Variants in ADAM17 observed in about 807,000 individuals in gnomAD.
ADAM17 encodes the protein disintegrin and metalloproteinase domain-containing protein 17.
ADAM17 carries 39 observed loss-of-function variants against 96.7 expected under a neutral mutation model. The ratio of observed to expected loss-of-function variants is 0.40; its 90% CI spans 0.31 to 0.53. ADAM17 has a LOEUF of 0.53. Ranked by LOEUF, ADAM17 falls within the 20% of genes least tolerant of loss-of-function variation. The probability of loss-of-function intolerance (pLI) is 0.44; values close to 1 mark genes in which losing one functional copy is unlikely to be tolerated. For missense variants in ADAM17, 777 were observed against 1,013.2 expected (o/e 0.77, Z 3.17); for synonymous variants, 344 against 359.2 (o/e 0.96, Z 0.48).
intron 1 of ADAM17, among the ~76,000 whole-genome samples, chr2:9,550,711 C>G (rs1665564224): frequency 6.6e-6 from 1 of 151,598 alleles, no homozygotes; most frequent in Non-Finnish European, 1.5e-5. Context: ...TCCCAAAGTG[C>G]TGGGACTATA....
rs1459271662 is a variant in ADAM17, at chr2:9,488,915, A to G, written c.*1262T>C. The stretch of plus-strand genomic sequence containing the variant: ...CACATTTCAGTTCTTAGGGGAAAAA[A>G]AGCTTTTAATGGCAATTTATAGAAA... On this transcript the variant is annotated 3_prime_UTR_variant, in exon 19 of 19. Coordinates refer to ENST00000310823, the MANE Select transcript of ADAM17 (RefSeq NM_003183.6). The G allele has an allele frequency of 6.6e-6, 1 of 152,226 alleles. No homozygotes were observed. The highest frequency in any genetic ancestry group is 1.9e-4 in the East Asian group (1 of 5,200). 9.4% of individuals were successfully genotyped at this position (152,226 alleles called of 1,614,324 possible).
chr2:9,491,037 G>T, intron 18 of ADAM17, 64 bp downstream of exon 18: 4 of 1,454,058 alleles, frequency 2.8e-6, no homozygotes, highest in South Asian at 1.2e-5. Context: ...GTCAGGTGAA[G>T]GTCTTTGCCT....
At chr2:9,504,250 T>G (rs1287743701) in intron 12 of ADAM17, among the ~76,000 whole-genome samples, 3 of 151,078 alleles carry the variant, frequency 2.0e-5, no homozygotes, top group East Asian at 3.9e-4. Flanking sequence ...ATCGAGACCA[T>G]CCTGGCCAAC....
At chr2:9,501,011 G>A (rs530528466) in intron 13 of ADAM17, among the ~76,000 whole-genome samples, 1 of 152,044 alleles carries the variant, frequency 6.6e-6, no homozygotes, top group Non-Finnish European at 1.5e-5. Context: ...ACAAAATGAT[G>A]GATTTGATTA....
intron 5 of ADAM17, 132 bp from the exon 6 acceptor site, chr2:9,526,376 A>G (rs1216134791): frequency 1.1e-6 from 1 of 921,494 alleles, no homozygotes; most frequent in African/African-American, 1.7e-5. Flanking sequence ...ATTCTGAACA[A>G]CAACAAAAAA....
At chr2:9,549,278 G>GGA (rs1558527931) in intron 1 of ADAM17, among the ~76,000 whole-genome samples, 1 of 152,140 alleles carries the variant, frequency 6.6e-6, no homozygotes, top group East Asian at 1.9e-4. Flanking sequence ...GCCTGAGGCA[G>GGA]GAGAATCGCT....
intron 4 of ADAM17, among the ~76,000 whole-genome samples, chr2:9,531,725 G>A (rs933448158): frequency 6.6e-6 from 1 of 151,932 alleles, no homozygotes; most frequent in Admixed American, 6.6e-5. Context: ...AAAGTTGGGG[G>A]AAATATTATC....
chr2:9,543,368 A>C (rs1379077744), intron 1 of ADAM17, 83 bp from the exon 2 acceptor site: 3 of 1,246,204 alleles, frequency 2.4e-6, no homozygotes, highest in Non-Finnish European at 2.1e-6. Flanking sequence ...CCAGACAATA[A>C]ATCTTTCCTG....
intron 17 of ADAM17, among the ~76,000 whole-genome samples, 153 bp downstream of exon 17, chr2:9,492,745 A>C (rs1053547828): frequency 7.9e-5 from 12 of 152,330 alleles, no homozygotes; most frequent in African/African-American, 2.4e-4. Flanking sequence ...TTTCTACAAG[A>C]CATGTTCCCC....
At chr2:9,532,283 G>A (rs1664777432) in intron 4 of ADAM17, among the ~76,000 whole-genome samples, 1 of 151,904 alleles carries the variant, frequency 6.6e-6, no homozygotes, top group African/African-American at 2.4e-5. Flanking sequence ...AAGGTTCTAG[G>A]GTGGTACATC....
At chr2:9,520,274 T>C (rs1664252042) in intron 8 of ADAM17, among the ~76,000 whole-genome samples, 3 of 152,184 alleles carry the variant, frequency 2.0e-5, no homozygotes, top group Admixed American at 2.0e-4. Flanking sequence ...TATCGCTTCA[T>C]ATAAAGTCAT....
intron 11 of ADAM17, chr2:9,506,925 C>T (rs1663442644): frequency 6.6e-6 from 1 of 152,196 alleles, no homozygotes; most frequent in South Asian, 2.1e-4. Context: ...GCCTACACAT[C>T]CCTGAAGATC....
intron 1 of ADAM17, among the ~76,000 whole-genome samples, chr2:9,553,420 T>C (rs1036425855): frequency 6.6e-6 from 1 of 151,416 alleles, no homozygotes; most frequent in Non-Finnish European, 1.5e-5. Context: ...AAGCCTTTAA[T>C]CCCAGCACTT....
At chr2:9,554,623 C>T (rs751279533) in intron 1 of ADAM17, among the ~76,000 whole-genome samples, 1 of 152,208 alleles carries the variant, frequency 6.6e-6, no homozygotes, top group South Asian at 2.1e-4. Flanking sequence ...TTATTTCACA[C>T]TTTATTACTA....
intron 13 of ADAM17, among the ~76,000 whole-genome samples, chr2:9,497,541 C>T (rs1440277077): frequency 2.0e-5 from 3 of 152,208 alleles, no homozygotes; most frequent in Admixed American, 2.0e-4. Context: ...ATCCTATGTG[C>T]TATTACTTAG....
At chr2:9,536,580 A>C (rs2125035281) in intron 3 of ADAM17, 118 bp downstream of exon 3, 2 of 1,354,444 alleles carry the variant, frequency 1.5e-6, no homozygotes, top group South Asian at 3.0e-5. Flanking sequence ...GTCAAAGAAT[A>C]GCACTTCTAT....
chr2:9,510,259 T>A (rs1663660609), intron 10 of ADAM17, 128 bp from the exon 11 acceptor site: 9 of 1,042,220 alleles, frequency 8.6e-6, no homozygotes, highest in Middle Eastern at 2.3e-4. Flanking sequence ...AACTGCATGC[T>A]TATAATACCA....
chr2:9,526,315 A>T, intron 5 of ADAM17, 71 bp from the exon 6 acceptor site: 5 of 1,471,212 alleles, frequency 3.4e-6, no homozygotes, highest in Non-Finnish European at 4.6e-6. Flanking sequence ...AACACTTTAA[A>T]TCTAACATAT....
chr2:9,529,343 T>C (rs11689299), intron 4 of ADAM17, among the ~76,000 whole-genome samples: 96,683 of 151,904 alleles, frequency 0.64, 32,225 homozygotes, highest in Middle Eastern at 0.76. Context: ...CCCAGCTACC[T>C]GGGAGGCTGA....
Sources: gnomAD v4.1 joint callset for allele counts (sites outside exome capture counted in the v4.1 genomes callset) on GRCh38, gnomAD v4.1.1 for gene constraint, MANE v1.5 for transcripts, NCBI Gene and HGNC (gene_info 2026-07-23, HGNC 2026-07-21) for gene names.